Variants in NRP1 observed in about 807,000 individuals in gnomAD.
NRP1 encodes the protein neuropilin 1.
In NRP1, 35 loss-of-function variants were observed where a neutral mutation model predicts 106.7. The ratio of observed to expected loss-of-function variants is 0.33; its 90% CI spans 0.25 to 0.43. NRP1 has a LOEUF of 0.43. Among genes scored for constraint, NRP1 ranks in the 20% least tolerant of loss-of-function variants. The pLI, the probability that NRP1 is intolerant of heterozygous loss-of-function variation, is 1.00. For synonymous variants in NRP1, 437 were observed against 417.9 expected, an observed-to-expected ratio of 1.05 and a Z score of -0.56; for missense variants, 1,024 against 1,170.4, an observed-to-expected ratio of 0.87 and a Z score of 1.83.
chr10:33,274,884 C>G (rs541114975), intron 2 of NRP1, among the ~76,000 whole-genome samples: 1 of 152,132 alleles, frequency 6.6e-6, no homozygotes, highest in Admixed American at 6.6e-5. Context: ...TTTTCACCAG[C>G]AAAAATGTGT....
At chr10:33,289,862 G>C (rs1172845298) in intron 2 of NRP1, among the ~76,000 whole-genome samples, 1 of 152,136 alleles carries the variant, frequency 6.6e-6, no homozygotes, top group Non-Finnish European at 1.5e-5. Context: ...ATAAAAATCC[G>C]CTACCTTTTG....
chr10:33,190,106 T>C (rs1836305739), intron 13 of NRP1, among the ~76,000 whole-genome samples: 1 of 152,232 alleles, frequency 6.6e-6, no homozygotes, highest in Non-Finnish European at 1.5e-5. Flanking sequence ...CTCTAACACA[T>C]AAAGCACTGA....
At chr10:33,295,203 T>C (rs6481844) in intron 2 of NRP1, among the ~76,000 whole-genome samples, 61,425 of 151,990 alleles carry the variant, frequency 0.4, 14,168 homozygotes, top group East Asian at 0.57. Flanking sequence ...AATCCCTATA[T>C]AGCCAAGGTT....
intron 10 of NRP1, among the ~76,000 whole-genome samples, chr10:33,206,598 G>T (rs1286151807): frequency 6.6e-6 from 1 of 152,146 alleles, no homozygotes; most frequent in African/African-American, 2.4e-5. Flanking sequence ...ATTGCAGGAA[G>T]GTGACATTAA....
chr10:33,199,642 T>G (rs1442117366), intron 11 of NRP1, among the ~76,000 whole-genome samples: 1 of 151,772 alleles, frequency 6.6e-6, no homozygotes, highest in Non-Finnish European at 1.5e-5. Context: ...GAGAAAGCTG[T>G]TTTTCCTTAT....
chr10:33,220,900 CA>C (rs35895871), intron 8 of NRP1, among the ~76,000 whole-genome samples: 12,670 of 60,826 alleles, frequency 0.21, 312 homozygotes, highest in Admixed American at 0.27. Context: ...GGCTCAGTCT[CA>C]AAAAAAAAAA....
intron 2 of NRP1, among the ~76,000 whole-genome samples, chr10:33,305,444 A>G (rs1564472609): frequency 6.6e-6 from 1 of 152,196 alleles, no homozygotes; most frequent in Non-Finnish European, 1.5e-5. Flanking sequence ...CCCAAACACC[A>G]GATCGTGATT....
intron 6 of NRP1, among the ~76,000 whole-genome samples, chr10:33,251,817 A>G (rs1841878934): frequency 6.6e-6 from 1 of 152,112 alleles, no homozygotes; most frequent in South Asian, 2.1e-4. Context: ...AGCTCCCCAC[A>G]TTACCAAGAA....
At chr10:33,194,520 G>A (rs1193092459) in intron 12 of NRP1, 2 of 290,166 alleles carry the variant, frequency 6.9e-6, no homozygotes, top group Admixed American at 4.2e-5. Context: ...ACATGGAACC[G>A]CTTTGCCTGA....
At chr10:33,289,861 C>T (rs891780363) in intron 2 of NRP1, among the ~76,000 whole-genome samples, 4 of 152,160 alleles carry the variant, frequency 2.6e-5, no homozygotes, top group African/African-American at 9.7e-5. Context: ...AATAAAAATC[C>T]GCTACCTTTT....
intron 4 of NRP1, among the ~76,000 whole-genome samples, chr10:33,262,703 CAAA>C (rs3035285): frequency 2.4e-3 from 246 of 100,776 alleles, no homozygotes; most frequent in African/African-American, 8.3e-3. Context: ...AACTCTGTCT[CAAA>C]AAAAAAAAAA....
intron 2 of NRP1, among the ~76,000 whole-genome samples, chr10:33,313,836 G>T (rs971178735): frequency 2.6e-5 from 4 of 152,174 alleles, no homozygotes; most frequent in Admixed American, 6.5e-5. Flanking sequence ...AAAGCTGAGG[G>T]CACAATCAAG....
intron 6 of NRP1, among the ~76,000 whole-genome samples, chr10:33,248,191 G>T (rs1158030018): frequency 6.6e-6 from 1 of 152,194 alleles, no homozygotes; most frequent in Non-Finnish European, 1.5e-5. Context: ...TCAGGAGGCT[G>T]AGGCAGGAGA....
At chr10:33,186,726 C>T (rs1011785275) in intron 13 of NRP1, among the ~76,000 whole-genome samples, 2 of 152,188 alleles carry the variant, frequency 1.3e-5, no homozygotes, top group African/African-American at 2.4e-5. Flanking sequence ...AATTAGGATA[C>T]TACTTATAAT....
chr10:33,219,507 A>C (rs1327169158), intron 8 of NRP1, among the ~76,000 whole-genome samples: 1 of 152,254 alleles, frequency 6.6e-6, no homozygotes, highest in Non-Finnish European at 1.5e-5. Context: ...CTAGGAACTG[A>C]AAGGAAGCAC....
At chr10:33,225,726 A>G in intron 7 of NRP1, among the ~76,000 whole-genome samples, 1 of 152,208 alleles carries the variant, frequency 6.6e-6, no homozygotes, top group Non-Finnish European at 1.5e-5. Flanking sequence ...AGATAGATGA[A>G]AAGATGTTTT....
intron 4 of NRP1, among the ~76,000 whole-genome samples, chr10:33,262,647 G>A (rs191509848): frequency 6.7e-6 from 1 of 149,678 alleles, no homozygotes; most frequent in East Asian, 2.0e-4. Flanking sequence ...AGGTTGCAGT[G>A]AGCCGAGATT....
At chr10:33,312,733 C>T (rs530966647) in intron 2 of NRP1, among the ~76,000 whole-genome samples, 6 of 152,240 alleles carry the variant, frequency 3.9e-5, no homozygotes, top group South Asian at 4.2e-4. Context: ...ACTTTGCTTA[C>T]GCTGCCTTTG....
chr10:33,313,001 T>G (rs1178147031), intron 2 of NRP1, among the ~76,000 whole-genome samples: 3 of 152,228 alleles, frequency 2.0e-5, no homozygotes, highest in African/African-American at 7.2e-5. Flanking sequence ...CAATCACTCA[T>G]GTATGGAATT....
Sources: gnomAD v4.1 joint callset for allele counts (sites outside exome capture counted in the v4.1 genomes callset) on GRCh38, gnomAD v4.1.1 for gene constraint, MANE v1.5 for transcripts, NCBI Gene and HGNC (gene_info 2026-07-23, HGNC 2026-07-21) for gene names.